MTMR9: variants seen among roughly 807,000 people sequenced by gnomAD.
The protein encoded by MTMR9 is myotubularin related protein 9.
MTMR9 carries 39 observed loss-of-function variants against 69.5 expected under a neutral mutation model. The ratio of observed to expected loss-of-function variants is 0.56; its 90% CI spans 0.43 to 0.73. The LOEUF (loss-of-function observed/expected upper bound fraction) is 0.73. Among genes scored for constraint, MTMR9 ranks in the 30% least tolerant of loss-of-function variants. The pLI, the probability that MTMR9 is intolerant of heterozygous loss-of-function variation, is 0.00. For missense variants in MTMR9, 900 were observed against 671.2 expected, an observed-to-expected ratio of 1.34 and a Z score of -3.77; for synonymous variants, 354 against 240.8, an observed-to-expected ratio of 1.47 and a Z score of -4.35.
At position 11,304,890 on chromosome 8, in the gene MTMR9, C is replaced by A. The variant is rs760349797; in HGVS notation, c.467C>A (p.Pro156His). ...GTCAATAAGGAATTTGCTGTCTGTC[C>A]CTCTTACCCACCAATTGTCACAGTG... ...SYVNKEFAVC[P>H]SYPPIVTVPK... The change falls in exon 4 of 10, where the codon CCC (proline) becomes CAC (histidine). Residue 156 changes from proline (P) to histidine (H), a missense_variant. Transcript: ENST00000221086. The A allele has an allele frequency of 2.5e-6, 4 of 1,613,888 alleles. No individual in the cohort carries two copies. In the African/African-American group the frequency reaches 4.0e-5, roughly 16 times the overall value.
At chr8:11,333,295 T>G in the MTMR9 span, among the ~76,000 whole-genome samples, 2,897 of 152,324 alleles carry the variant, frequency 0.019, 98 homozygotes, top group African/African-American at 0.065. Flanking sequence ...TAAATGAGAT[T>G]ATCAACTAAT....
chr8:11,285,056 C>A lies in MTMR9; in HGVS notation c.168C>A (p.Asp56Glu). Reference sequence around the variant, plus strand: ...TGTGGCTCCTCCATTCAAACATCGACGCCATCGACAAGCGGTGAGTGCCCG... The same window carrying A: ...TGTGGCTCCTCCATTCAAACATCGAAGCCATCGACAAGCGGTGAGTGCCCG... ...EELWLLHSNIDAIDKRFVGSL... is the reference protein window; with the variant it reads ...EELWLLHSNIEAIDKRFVGSL... Residue 56 changes from aspartate to glutamate, a missense_variant, in exon 1 of 10, where the codon GAC becomes GAA. Coordinates refer to ENST00000221086, the MANE Select transcript of MTMR9 (RefSeq NM_015458.4). The A allele has an allele frequency of 6.2e-7, 1 of 1,606,778 alleles. No individual in the cohort carries two copies. The highest frequency in any genetic ancestry group is 1.1e-5 in the South Asian group (1 of 90,254).
At chr8:11,332,393 CAA>C (rs948890175), downstream of MTMR9, among the ~76,000 whole-genome samples, 1 of 151,696 alleles carries the variant, frequency 6.6e-6, no homozygotes, top group Non-Finnish European at 1.5e-5. Context: ...ACTTACTAGA[CAA>C]AGACTAAACA....
chr8:11,319,437 A>T (rs2117456033), intron 8 of MTMR9: 1 of 470,102 alleles, frequency 2.1e-6, no homozygotes, highest in Middle Eastern at 5.7e-4. Flanking sequence ...ATGTGACCAG[A>T]TTCTGTTTTT....
At position 11,324,322 on chromosome 8, in the gene MTMR9, A is replaced by G. The variant is rs868033726; in HGVS notation, c.*1534A>G. 40 of 151,528 alleles carry G rather than the reference A, an allele frequency of 2.6e-4. No individual in the cohort carries two copies. The highest frequency in any genetic ancestry group is 8.5e-4 in the Admixed American group (13 of 15,248). The allele number at this position is 151,528 out of a possible 1,614,324, so 9.4% of individuals were successfully genotyped here. A position where few individuals can be genotyped will look rare whatever the true frequency, so the allele number is the denominator to read the frequency against. ...CTTCCTCAGCCTTGTAGCAAAGGCT[A>G]CACAGCAGCCCACAGTCCACAGTCT... On this transcript the variant is annotated 3_prime_UTR_variant, in exon 10 of 10. Coordinates refer to ENST00000221086, the MANE Select transcript of MTMR9 (RefSeq NM_015458.4).
At chr8:11,293,127 C>G (rs1799424853) in intron 1 of MTMR9, among the ~76,000 whole-genome samples, 1 of 152,184 alleles carries the variant, frequency 6.6e-6, no homozygotes, top group Admixed American at 6.5e-5. Flanking sequence ...TGAAGACCTT[C>G]CAGTGGGGCA....
At chr8:11,333,422 A>C in the MTMR9 span, among the ~76,000 whole-genome samples, 1 of 152,350 alleles carries the variant, frequency 6.6e-6, no homozygotes, top group South Asian at 2.1e-4. Context: ...TTCAAAAAAT[A>C]AGGGAGAAAT....
chr8:11,331,676 C>G (rs746750679), downstream of MTMR9: 4 of 1,612,036 alleles, frequency 2.5e-6, no homozygotes, highest in Non-Finnish European at 2.5e-6. Flanking sequence ...TCTACACCAC[C>G]CTGGGCTATG....
At chr8:11,331,108 T>C, downstream of MTMR9, 1 of 1,589,406 alleles carries the variant, frequency 6.3e-7, no homozygotes, top group South Asian at 1.2e-5. Flanking sequence ...CAAGGAAAGA[T>C]GGCTGGCAGT....
the MTMR9 span, among the ~76,000 whole-genome samples, chr8:11,338,283 C>T: frequency 6.6e-6 from 1 of 152,158 alleles, no homozygotes; most frequent in South Asian, 2.1e-4. Flanking sequence ...ATTATATGGA[C>T]CAGCTTCTGT....
intron 1 of MTMR9, among the ~76,000 whole-genome samples, chr8:11,292,783 T>C (rs1372060418): frequency 6.6e-6 from 1 of 152,212 alleles, no homozygotes; most frequent in Non-Finnish European, 1.5e-5. Context: ...CATAAGATTA[T>C]AATGGACCTG....
At chr8:11,338,000 G>A in the MTMR9 span, among the ~76,000 whole-genome samples, 1 of 152,370 alleles carries the variant, frequency 6.6e-6, no homozygotes, top group Non-Finnish European at 1.5e-5. Context: ...AGCAGCTTCA[G>A]GACTTGGCTA....
At chr8:11,335,934 C>T in the MTMR9 span, among the ~76,000 whole-genome samples, 986 of 152,214 alleles carry the variant, frequency 6.5e-3, 8 homozygotes, top group Non-Finnish European at 9.9e-3. Context: ...GACTTCAACA[C>T]GTGAAGTTGG....
At chr8:11,297,907 C>T (rs957938805) in intron 2 of MTMR9, 2 of 456,290 alleles carry the variant, frequency 4.4e-6, no homozygotes, top group Admixed American at 2.3e-5. Flanking sequence ...CAGAATCCCT[C>T]CTGCTAGCCC....
intron 5 of MTMR9, 120 bp from the exon 6 acceptor site, chr8:11,309,407 T>TA (rs1800100071): frequency 3.8e-6 from 3 of 789,074 alleles, no homozygotes; most frequent in Non-Finnish European, 5.9e-6. Context: ...AGGGTAAATA[T>TA]TTTTATAGTA....
At chr8:11,298,865 G>C in intron 2 of MTMR9, 1 of 985,194 alleles carries the variant, frequency 1.0e-6, no homozygotes, top group Non-Finnish European at 1.2e-6. Context: ...CAGGATTCAA[G>C]TGCTCCAGGT....
chr8:11,298,942 A>G (rs943197879), intron 2 of MTMR9: 1 of 891,140 alleles, frequency 1.1e-6, no homozygotes, highest in Non-Finnish European at 1.3e-6. Context: ...CTGCAGCATG[A>G]AAATATGATG....
intron 1 of MTMR9, among the ~76,000 whole-genome samples, chr8:11,285,948 C>CTTTTTTTTTTTTTTTTT (rs755153057): frequency 9.3e-6 from 1 of 107,112 alleles, no homozygotes; most frequent in Non-Finnish European, 1.8e-5. Context: ...TTCTTTCTTT[C>CTTTTTTTTTTTTTTTTT]TTTTTTTTTT....
At chr8:11,333,656 A>T in the MTMR9 span, among the ~76,000 whole-genome samples, 1 of 152,238 alleles carries the variant, frequency 6.6e-6, no homozygotes, top group African/African-American at 2.4e-5. Context: ...TATTTTCCAT[A>T]GGAATTAAAA....
Sources: gnomAD v4.1 joint callset for allele counts (sites outside exome capture counted in the v4.1 genomes callset) on GRCh38, gnomAD v4.1.1 for gene constraint, MANE v1.5 for transcripts, NCBI Gene and HGNC (gene_info 2026-07-23, HGNC 2026-07-21) for gene names.